SORCS1: variants seen among roughly 807,000 people sequenced by gnomAD.
The protein encoded by SORCS1 is sortilin related VPS10 domain containing receptor 1.
A neutral mutation model predicts 146.1 loss-of-function variants in SORCS1; 60 were observed. That is an observed-to-expected ratio of 0.41 (90% confidence interval 0.33 to 0.51). The LOEUF is 0.51. SORCS1 is among the 20% of genes least tolerant of loss of function. The pLI, the probability that SORCS1 is intolerant of heterozygous loss-of-function variation, is 0.21. For missense variants in SORCS1, 1,352 were observed against 1,487.6 expected, an observed-to-expected ratio of 0.91 and a Z score of 1.50; for synonymous variants, 637 against 584.0, an observed-to-expected ratio of 1.09 and a Z score of -1.31.
chr10:106,893,122 C>T (rs1009955351), intron 2 of SORCS1, among the ~76,000 whole-genome samples: 16 of 151,590 alleles, frequency 1.1e-4, no homozygotes, highest in South Asian at 2.1e-4. Context: ...AGGCTGGTCT[C>T]GAACTCCTGA....
At chr10:107,031,898 T>C (rs1369248496) in intron 1 of SORCS1, among the ~76,000 whole-genome samples, 1 of 152,224 alleles carries the variant, frequency 6.6e-6, no homozygotes, top group African/African-American at 2.4e-5. Context: ...ACTAGGACCC[T>C]GTGTTTCTGC....
chr10:106,805,682 C>T (rs773615855), intron 3 of SORCS1, among the ~76,000 whole-genome samples: 12 of 152,162 alleles, frequency 7.9e-5, no homozygotes, highest in Admixed American at 7.2e-4. Context: ...GATTTATTTG[C>T]CTATATGGTA....
At chr10:106,729,861 C>A (rs1218902791) in intron 6 of SORCS1, among the ~76,000 whole-genome samples, 189 bp downstream of exon 6, 1 of 152,160 alleles carries the variant, frequency 6.6e-6, no homozygotes, top group Non-Finnish European at 1.5e-5. Flanking sequence ...CTCTTCCGAA[C>A]AGAAGATACC....
At chr10:106,578,773 T>G (rs1253795597) in intron 25 of SORCS1, 1 of 1,162,660 alleles carries the variant, frequency 8.6e-7, no homozygotes, top group Non-Finnish European at 1.1e-6. Context: ...CCTCTCCTTC[T>G]TATATACTAT....
rs187646359 is a variant in SORCS1 at position 106,704,623 on chromosome 10, G to A, written c.1233+1922C>T. Among the ~76,000 whole-genome samples, 164 of 152,282 alleles carry A rather than the reference G, an allele frequency of 1.1e-3. 1 individual carries two copies. The highest frequency in any genetic ancestry group is 3.7e-3 in the African/African-American group (155 of 41,560). ...GAGAATCGCTTGAACCCGGGAGGTG[G>A]AGGTTGCAGTGAGCCAAGACTGCGC... On this transcript the variant is annotated intron_variant, in intron 8 of 25. Transcript: ENST00000263054.
At chr10:106,719,811 G>T (rs1855655261) in intron 6 of SORCS1, among the ~76,000 whole-genome samples, 1 of 152,178 alleles carries the variant, frequency 6.6e-6, no homozygotes, top group African/African-American at 2.4e-5. Flanking sequence ...CACAGTCCTT[G>T]TCTCAGATAA....
At chr10:106,894,705 G>A (rs1951396390) in intron 2 of SORCS1, among the ~76,000 whole-genome samples, 1 of 152,112 alleles carries the variant, frequency 6.6e-6, no homozygotes, top group African/African-American at 2.4e-5. Context: ...TTAGTTTTAG[G>A]TACATGTAGT....
At chr10:107,056,478 T>C (rs1205774689) in intron 1 of SORCS1, among the ~76,000 whole-genome samples, 2 of 152,200 alleles carry the variant, frequency 1.3e-5, no homozygotes, top group East Asian at 3.9e-4. Flanking sequence ...CTCTGCCAAT[T>C]TCTGAGAAAG....
chr10:106,962,039 G>T (rs984425711), intron 1 of SORCS1, among the ~76,000 whole-genome samples: 1 of 152,180 alleles, frequency 6.6e-6, no homozygotes, highest in Non-Finnish European at 1.5e-5. Flanking sequence ...GAGGTTGGGG[G>T]GGTGTCAGTG....
intron 2 of SORCS1, among the ~76,000 whole-genome samples, chr10:106,913,319 A>G (rs1409090852): frequency 6.6e-6 from 1 of 152,234 alleles, no homozygotes; most frequent in Non-Finnish European, 1.5e-5. Context: ...TATTAAACAC[A>G]TTGATGAACA....
intron 1 of SORCS1, among the ~76,000 whole-genome samples, chr10:107,159,548 C>T (rs74154855): frequency 0.019 from 2,953 of 152,138 alleles, 89 homozygotes; most frequent in African/African-American, 0.067. Flanking sequence ...CACTTTGTAT[C>T]CACGATGTCG....
At chr10:106,683,143 A>T (rs368946932) in intron 10 of SORCS1, among the ~76,000 whole-genome samples, 2 of 152,228 alleles carry the variant, frequency 1.3e-5, no homozygotes, top group African/African-American at 4.8e-5. Flanking sequence ...CCCGAAACCC[A>T]TAAGTGGACC....
chr10:106,605,359 A>T (rs1229645038), intron 23 of SORCS1, among the ~76,000 whole-genome samples: 4 of 152,258 alleles, frequency 2.6e-5, no homozygotes, highest in Non-Finnish European at 2.9e-5. Flanking sequence ...GATGTAGAAA[A>T]TACAACACTT....
chr10:107,156,142 C>T (rs559931878), intron 1 of SORCS1, among the ~76,000 whole-genome samples: 9 of 152,298 alleles, frequency 5.9e-5, no homozygotes, highest in Admixed American at 5.9e-4. Flanking sequence ...ATATAAAGAG[C>T]TCCCCTACCA....
intron 1 of SORCS1, among the ~76,000 whole-genome samples, chr10:107,081,079 G>T (rs990749235): frequency 6.6e-6 from 1 of 152,152 alleles, no homozygotes; most frequent in Non-Finnish European, 1.5e-5. Flanking sequence ...TCATAAGCTA[G>T]TCAGTACCAT....
intron 3 of SORCS1, among the ~76,000 whole-genome samples, chr10:106,828,899 T>C (rs11193067): frequency 0.038 from 5,859 of 152,246 alleles, 288 homozygotes; most frequent in East Asian, 0.23. Flanking sequence ...GCCTTAACTC[T>C]AGTCCTAATT....
At chr10:106,850,120 C>A (rs374466018) in intron 2 of SORCS1, among the ~76,000 whole-genome samples, 1 of 151,728 alleles carries the variant, frequency 6.6e-6, no homozygotes, top group Non-Finnish European at 1.5e-5. Flanking sequence ...CCACCCAGTT[C>A]GAGCTTCCCG....
At chr10:107,160,195 G>C (rs908848131) in intron 1 of SORCS1, among the ~76,000 whole-genome samples, 2 of 152,176 alleles carry the variant, frequency 1.3e-5, no homozygotes, top group South Asian at 2.1e-4. Flanking sequence ...ACTCAAGATA[G>C]GATTATCTAA....
At chr10:106,740,214 T>C (rs1055222341) in intron 5 of SORCS1, among the ~76,000 whole-genome samples, 8 of 152,140 alleles carry the variant, frequency 5.3e-5, no homozygotes, top group African/African-American at 1.9e-4. Flanking sequence ...GAGCAAAGAA[T>C]AATCAGAAAG....
Sources: gnomAD v4.1 joint callset for allele counts (sites outside exome capture counted in the v4.1 genomes callset) on GRCh38, gnomAD v4.1.1 for gene constraint, MANE v1.5 for transcripts, NCBI Gene and HGNC (gene_info 2026-07-23, HGNC 2026-07-21) for gene names.